CHODL: variants seen among roughly 807,000 people sequenced by gnomAD.
CHODL encodes the protein transmembrane protein MT75.
A neutral mutation model predicts 34.5 loss-of-function variants in CHODL; 29 were observed. That is an observed-to-expected ratio of 0.84 (90% CI 0.63 to 1.15). The LOEUF (loss-of-function observed/expected upper bound fraction) is 1.15, where lower values mean the gene tolerates loss of function less well. Among genes scored for constraint, CHODL ranks in the 50% most tolerant of loss-of-function variants. The pLI, the probability that CHODL is intolerant of heterozygous loss-of-function variation, is 0.00. For missense variants in CHODL, 332 were observed against 332.5 expected, an observed-to-expected ratio of 1.00 and a Z score of 0.01; for synonymous variants, 125 against 116.1, an observed-to-expected ratio of 1.08 and a Z score of -0.49.
intron 1 of CHODL, among the ~76,000 whole-genome samples, chr21:17,960,112 T>C (rs1043316542): frequency 6.6e-6 from 1 of 152,096 alleles, no homozygotes; most frequent in Non-Finnish European, 1.5e-5. Flanking sequence ...GCCTCAGGGA[T>C]ACACTAGGCT....
chr21:18,188,911 G>T (rs1310654321), intron 2 of CHODL, among the ~76,000 whole-genome samples: 2 of 152,200 alleles, frequency 1.3e-5, no homozygotes, highest in East Asian at 3.8e-4. Flanking sequence ...AATTATGCTT[G>T]GCTACCAAGA....
At chr21:18,254,695 CTATT>C (rs2074295849) in intron 1 of CHODL, among the ~76,000 whole-genome samples, 1 of 151,580 alleles carries the variant, frequency 6.6e-6, no homozygotes, top group African/African-American at 2.4e-5. Flanking sequence ...TGACATCAAT[CTATT>C]TATATCTGTT....
At chr21:18,041,536 TATA>T (rs1463484626) in intron 2 of CHODL, among the ~76,000 whole-genome samples, 5 of 151,920 alleles carry the variant, frequency 3.3e-5, no homozygotes, top group African/African-American at 9.7e-5. Context: ...TACAGATTTT[TATA>T]ATATTTAGGA....
At chr21:17,959,287 C>T (rs2063515105) in intron 1 of CHODL, among the ~76,000 whole-genome samples, 1 of 152,164 alleles carries the variant, frequency 6.6e-6, no homozygotes, top group Non-Finnish European at 1.5e-5. Context: ...GAATCCATCC[C>T]TAATGTCTCT....
rs1174777491 is a variant in CHODL at position 18,224,827 on chromosome 21, T to C, written c.-44-31682T>C. On this transcript the variant is annotated intron_variant, in intron 2 of 6. Transcript: ENST00000400127. ...TTCAGGATTATAGTAGTTTTTTTTT[T>C]CCTTCAACTTCTTATAAGAAATATT... Among the ~76,000 whole-genome samples, 5 of 152,118 alleles carry C rather than the reference T, an allele frequency of 3.3e-5. No homozygotes were observed. In the East Asian group the frequency reaches 7.7e-4, roughly 23 times the overall value.
intron 1 of CHODL, among the ~76,000 whole-genome samples, chr21:17,943,038 C>T (rs2146332840): frequency 6.6e-6 from 1 of 152,334 alleles, no homozygotes; most frequent in African/African-American, 2.4e-5. Context: ...CCTCCCCAGC[C>T]ATGCCCCTGG....
intron 2 of CHODL, among the ~76,000 whole-genome samples, chr21:18,033,930 A>C (rs2064278246): frequency 6.6e-6 from 1 of 152,052 alleles, no homozygotes; most frequent in Non-Finnish European, 1.5e-5. Context: ...TTAAAAATAG[A>C]AAAAAGAAAA....
chr21:18,159,058 G>A (rs895457954), intron 2 of CHODL, among the ~76,000 whole-genome samples: 1 of 152,110 alleles, frequency 6.6e-6, no homozygotes, highest in African/African-American at 2.4e-5. Flanking sequence ...ATACATTTTA[G>A]TTTGGAGCAG....
intron 2 of CHODL, among the ~76,000 whole-genome samples, chr21:18,062,123 A>T (rs1439414006): frequency 6.6e-6 from 1 of 152,190 alleles, no homozygotes; most frequent in Non-Finnish European, 1.5e-5. Context: ...ACCAGACAGT[A>T]AAAAGGGATA....
intron 2 of CHODL, among the ~76,000 whole-genome samples, chr21:18,226,229 A>C (rs527708279): frequency 2.0e-5 from 3 of 152,346 alleles, no homozygotes; most frequent in African/African-American, 7.2e-5. Context: ...TATTTCTCCC[A>C]GAGTTCCAAG....
At chr21:17,995,934 T>C (rs1418447758) in intron 1 of CHODL, among the ~76,000 whole-genome samples, 2 of 152,240 alleles carry the variant, frequency 1.3e-5, no homozygotes, top group African/African-American at 4.8e-5. Flanking sequence ...TGATCCATTT[T>C]GTATTCTGGC....
At chr21:18,059,239 G>T (rs1187434844) in intron 2 of CHODL, among the ~76,000 whole-genome samples, 1 of 152,096 alleles carries the variant, frequency 6.6e-6, no homozygotes, top group Non-Finnish European at 1.5e-5. Flanking sequence ...CCATCTACAG[G>T]CCAGAAAGGG....
chr21:18,262,701 C>T (rs2074397028), intron 4 of CHODL, 90 bp from the exon 5 acceptor site: 2 of 736,146 alleles, frequency 2.7e-6, no homozygotes, highest in African/African-American at 3.5e-5. Flanking sequence ...AATTCTATTT[C>T]ACCTGAATTT....
intron 2 of CHODL, among the ~76,000 whole-genome samples, chr21:18,087,210 G>C (rs2065018539): frequency 6.6e-6 from 1 of 152,162 alleles, no homozygotes; most frequent in Non-Finnish European, 1.5e-5. Flanking sequence ...TGAGCAGCCT[G>C]GGTAAGAAGC....
chr21:18,116,922 C>G (rs1486271254), intron 2 of CHODL, among the ~76,000 whole-genome samples: 3 of 152,120 alleles, frequency 2.0e-5, no homozygotes, highest in African/African-American at 4.8e-5. Context: ...GTTGGAGCAC[C>G]AAGGGAAGCC....
chr21:18,157,670 A>G (rs1383387244), intron 2 of CHODL, among the ~76,000 whole-genome samples: 2 of 152,210 alleles, frequency 1.3e-5, no homozygotes, highest in African/African-American at 4.8e-5. Context: ...TAATTACTGG[A>G]TAACATCCAA....
chr21:18,033,819 C>G (rs1296074593), intron 2 of CHODL, among the ~76,000 whole-genome samples: 1 of 151,964 alleles, frequency 6.6e-6, no homozygotes, highest in African/African-American at 2.4e-5. Context: ...GGAAGAGAAT[C>G]AAGACGCTCA....
intron 2 of CHODL, among the ~76,000 whole-genome samples, chr21:18,158,075 T>TG (rs1385022745): frequency 6.6e-6 from 1 of 151,376 alleles, no homozygotes; most frequent in East Asian, 1.9e-4. Context: ...CAAAAGGTTT[T>TG]TTTTTTTTTT....
At chr21:18,010,722 A>T (rs1412460749) in intron 1 of CHODL, among the ~76,000 whole-genome samples, 1 of 152,242 alleles carries the variant, frequency 6.6e-6, no homozygotes, top group Non-Finnish European at 1.5e-5. Flanking sequence ...GAGAGACAAA[A>T]ACAAACCACT....
Sources: allele counts gnomAD v4.1 joint callset (sites outside exome capture counted in the v4.1 genomes callset), GRCh38; gene constraint gnomAD v4.1.1; transcripts MANE v1.5; gene names NCBI Gene and HGNC (gene_info 2026-07-23, HGNC 2026-07-21).